MAPK8: variants seen among roughly 807,000 people sequenced by gnomAD.
The protein encoded by MAPK8 is mitogen-activated protein kinase 8.
Under a neutral mutation model 52.9 loss-of-function variants are expected in MAPK8, and 13 were observed. The observed-to-expected ratio is 0.25, with a 90% CI of 0.16 to 0.39. The LOEUF is 0.39. Ranked by LOEUF, MAPK8 falls within the 10% of genes least tolerant of loss-of-function variation. The pLI is 1.00. For synonymous variants in MAPK8, 191 were observed against 169.8 expected (o/e 1.12, Z -0.97); for missense variants, 300 against 519.2 (o/e 0.58, Z 4.10).
rs76173683 is a variant in MAPK8, at chr10:48,385,796, A to T, written c.-49-15816A>T. ...TTGTCATATTTGGTTATCATAATCAAATGGAAATAGTAGTTTTTGCCCCAT... is the reference window on the plus strand; with the variant it reads ...TTGTCATATTTGGTTATCATAATCATATGGAAATAGTAGTTTTTGCCCCAT... On this transcript the variant is annotated intron_variant, in intron 1 of 11. Coordinates refer to ENST00000374189, the MANE Select transcript of MAPK8 (RefSeq NM_001323329.2). Among the ~76,000 whole-genome samples the T allele has an allele frequency of 8.3e-3, 1,267 of 152,318 alleles. 19 individuals are homozygous for T. The highest frequency in any genetic ancestry group is 0.029 in the African/African-American group (1,210 of 41,574).
intron 1 of MAPK8, among the ~76,000 whole-genome samples, chr10:48,352,716 T>C (rs1379314776): frequency 6.6e-6 from 1 of 152,186 alleles, no homozygotes; most frequent in Non-Finnish European, 1.5e-5. Flanking sequence ...GTGACAAGGA[T>C]GCACACACTC....
chr10:48,307,882 C>T (rs1483409455), intron 1 of MAPK8, among the ~76,000 whole-genome samples: 1 of 152,094 alleles, frequency 6.6e-6, no homozygotes, highest in Non-Finnish European at 1.5e-5. Flanking sequence ...GTAAAGTATC[C>T]TTTCATGGAA....
intron 1 of MAPK8, among the ~76,000 whole-genome samples, chr10:48,399,428 C>CCTGT (rs560466296): frequency 7.1e-4 from 108 of 152,302 alleles, no homozygotes; most frequent in African/African-American, 2.5e-3. Flanking sequence ...AACCTTGGAG[C>CCTGT]CTGTCTGCCT....
At chr10:48,426,929 A>T in intron 9 of MAPK8, 151 bp from the exon 10 acceptor site, 4 of 585,042 alleles carry the variant, frequency 6.8e-6, no homozygotes, top group South Asian at 2.3e-5. Flanking sequence ...TTCCTAAACT[A>T]TTATGTCTGT....
At chr10:48,428,486 T>G (rs1254533008) in intron 10 of MAPK8, among the ~76,000 whole-genome samples, 1 of 152,174 alleles carries the variant, frequency 6.6e-6, no homozygotes, top group Non-Finnish European at 1.5e-5. Flanking sequence ...TGGGGAGGTA[T>G]AAACATGAAT....
intron 5 of MAPK8, among the ~76,000 whole-genome samples, chr10:48,413,933 A>AATTT (rs944520940): frequency 2.0e-5 from 3 of 147,240 alleles, no homozygotes; most frequent in African/African-American, 7.5e-5. Context: ...CATGCCATAC[A>AATTT]ATTTATTCAT....
At chr10:48,398,455 C>A (rs1027305029) in intron 1 of MAPK8, among the ~76,000 whole-genome samples, 1 of 152,036 alleles carries the variant, frequency 6.6e-6, no homozygotes, top group Non-Finnish European at 1.5e-5. Flanking sequence ...AATGGCAATC[C>A]GAAGAATGTG....
chr10:48,434,580 A>G (rs2044684923), intron 11 of MAPK8, among the ~76,000 whole-genome samples: 1 of 152,236 alleles, frequency 6.6e-6, no homozygotes, highest in Non-Finnish European at 1.5e-5. Context: ...AAGCCCATTC[A>G]TGGATCTTGC....
Position 48,401,648 on chromosome 10 carries a change from ATTGC to A in MAPK8, c.-8_-5del. 1 of 1,610,486 alleles carries A rather than the reference ATTGC, an allele frequency of 6.2e-7. No homozygotes were observed. Among genetic ancestry groups the A allele is most frequent in the Non-Finnish European group, 8.5e-7 (1 of 1,178,778 alleles). On this transcript the variant is annotated 5_prime_UTR_variant, in exon 2 of 12. Transcript: ENST00000374189. ...ATTTTTGGATGAAGCCATTAAATTA[ATTGC>A]TTGCCATCATGAGCAGAAGCAAGCG...
intron 1 of MAPK8, among the ~76,000 whole-genome samples, chr10:48,377,214 C>T (rs2040719686): frequency 3.3e-5 from 5 of 151,706 alleles, no homozygotes; most frequent in Admixed American, 3.3e-4. Context: ...CAGGGCCTGT[C>T]AGGGGTTTGG....
rs1196806638 is a variant in MAPK8 at position 48,436,068 on chromosome 10, G to A, written c.*1039G>A. 2 of 152,128 alleles carry A rather than the reference G, an allele frequency of 1.3e-5. No homozygotes were observed. Among genetic ancestry groups the A allele is most frequent in the East Asian group, 3.9e-4 (2 of 5,188 alleles). 9.4% of individuals were successfully genotyped at this position (152,128 alleles called of 1,614,324 possible). A position where few individuals can be genotyped will look rare whatever the true frequency, so the allele number is the denominator to read the frequency against. ...GGTGTTTCATTTGATTCTACTTGTA[G>A]CATAATCATTTATACGAGCTATTGG... On this transcript the variant is annotated 3_prime_UTR_variant, in exon 12 of 12. Transcript: ENST00000374189.
chr10:48,323,973 A>C (rs1422854541), intron 1 of MAPK8, among the ~76,000 whole-genome samples: 1 of 152,162 alleles, frequency 6.6e-6, no homozygotes, highest in Non-Finnish European at 1.5e-5. Context: ...ACAACTGAAC[A>C]TTTTGGTCAC....
chr10:48,425,978 T>C lies in MAPK8; in HGVS notation c.779T>C (p.Val260Ala), dbSNP rs1352216003. ...KKLQPTVRTY[V>A]ENRPKYAGYS... Reference sequence around the variant, plus strand: ...CTGCAACCAACAGTAAGGACTTACGTTGAAAACAGACCTAAATATGCTGGA... The same window carrying C: ...CTGCAACCAACAGTAAGGACTTACGCTGAAAACAGACCTAAATATGCTGGA... Residue 260 changes from valine to alanine, a missense_variant, in exon 8 of 12, where the codon GTT becomes GCT. Transcript: ENST00000374189. 1 of 1,613,398 alleles carries C rather than the reference T, an allele frequency of 6.2e-7. No homozygotes were observed. Among genetic ancestry groups the C allele is most frequent in the Non-Finnish European group, 8.5e-7 (1 of 1,179,552 alleles).
chr10:48,415,787 T>A (rs1259092505), intron 5 of MAPK8, among the ~76,000 whole-genome samples: 1 of 152,204 alleles, frequency 6.6e-6, no homozygotes, highest in African/African-American at 2.4e-5. Flanking sequence ...AGGGTTGCTA[T>A]ACAAAAAGCT....
At chr10:48,357,819 C>A (rs1270947289) in intron 1 of MAPK8, among the ~76,000 whole-genome samples, 1 of 152,120 alleles carries the variant, frequency 6.6e-6, no homozygotes, top group African/African-American at 2.4e-5. Flanking sequence ...TTTTCATCAC[C>A]CCAAGAGGAA....
intron 10 of MAPK8, 186 bp from the exon 11 acceptor site, chr10:48,431,007 T>C (rs1456221567): frequency 1.4e-5 from 9 of 623,246 alleles, no homozygotes; most frequent in African/African-American, 1.1e-4. Context: ...TGATCCATTG[T>C]TGAGTGTCAA....
chr10:48,337,820 T>C (rs979916565), intron 1 of MAPK8, among the ~76,000 whole-genome samples: 7 of 152,104 alleles, frequency 4.6e-5, no homozygotes, highest in African/African-American at 1.7e-4. Flanking sequence ...CTGTGGACAT[T>C]TTTATGTGCA....
chr10:48,335,544 T>G (rs1027535134), intron 1 of MAPK8, among the ~76,000 whole-genome samples: 5 of 152,210 alleles, frequency 3.3e-5, no homozygotes, highest in African/African-American at 1.2e-4. Context: ...TAGTTTTAAT[T>G]TTTTCATTGG....
chr10:48,383,962 G>A (rs1257443210), intron 1 of MAPK8, among the ~76,000 whole-genome samples: 1 of 152,192 alleles, frequency 6.6e-6, no homozygotes, highest in Admixed American at 6.5e-5. Flanking sequence ...AGCCAGTTAA[G>A]ACAAGATGGC....
Sources: gnomAD v4.1 joint callset for allele counts (sites outside exome capture counted in the v4.1 genomes callset) on GRCh38, gnomAD v4.1.1 for gene constraint, MANE v1.5 for transcripts, NCBI Gene and HGNC (gene_info 2026-07-23, HGNC 2026-07-21) for gene names.